Variants in ANKRD26 observed in about 807,000 individuals in gnomAD.
ANKRD26 encodes the protein ankyrin repeat domain 26, also known as ankyrin repeat domain-containing protein 26.
A neutral mutation model predicts 208.7 loss-of-function variants in ANKRD26; 141 were observed. That is an observed-to-expected ratio of 0.68 (90% CI 0.59 to 0.78). ANKRD26 has a LOEUF of 0.78. ANKRD26 is among the 30% of genes least tolerant of loss of function. The pLI, the probability that ANKRD26 is intolerant of heterozygous loss-of-function variation, is 0.00. For synonymous variants in ANKRD26, 636 were observed against 660.4 expected (o/e 0.96, Z 0.57); for missense variants, 1,889 against 1,938.7 (o/e 0.97, Z 0.48).
intron 1 of ANKRD26, among the ~76,000 whole-genome samples, chr10:27,099,228 A>C (rs1376012794): frequency 1.3e-5 from 2 of 151,442 alleles, no homozygotes; most frequent in African/African-American, 4.9e-5. Context: ...TGACCTCAGG[A>C]TATCCGCTTG....
intron 6 of ANKRD26, among the ~76,000 whole-genome samples, chr10:27,082,540 G>A (rs1388586261): frequency 3.3e-5 from 5 of 152,174 alleles, no homozygotes; most frequent in Non-Finnish European, 5.9e-5. Context: ...TATGCTGAGG[G>A]GCAAGAGAAG....
At chr10:27,027,465 C>T (rs570288232) in intron 27 of ANKRD26, among the ~76,000 whole-genome samples, 103 of 152,232 alleles carry the variant, frequency 6.8e-4, no homozygotes, top group African/African-American at 2.4e-3. Context: ...ACACCATATC[C>T]ATAGCAGCAT....
intron 30 of ANKRD26, among the ~76,000 whole-genome samples, chr10:27,016,302 T>A (rs1250391159): frequency 1.3e-5 from 2 of 152,080 alleles, no homozygotes; most frequent in Admixed American, 1.3e-4. Context: ...TTTGTTTGTT[T>A]TGTTTTGTAT....
At chr10:27,049,047 T>C (rs1432769897) in intron 16 of ANKRD26, 68 bp from the exon 17 acceptor site, 2 of 1,353,820 alleles carry the variant, frequency 1.5e-6, no homozygotes, top group East Asian at 2.5e-5. Flanking sequence ...TTGTTTTCAT[T>C]GAGTTTATCA....
intron 4 of ANKRD26, among the ~76,000 whole-genome samples, 158 bp from the exon 5 acceptor site, chr10:27,086,767 T>A (rs2056131530): frequency 8.4e-6 from 1 of 119,352 alleles, no homozygotes; most frequent in African/African-American, 3.3e-5. Flanking sequence ...CAAACTTTTT[T>A]GTTTTTTTTT....
chr10:27,055,613 T>C (rs2054811776), intron 15 of ANKRD26, among the ~76,000 whole-genome samples: 1 of 152,172 alleles, frequency 6.6e-6, no homozygotes, highest in Non-Finnish European at 1.5e-5. Context: ...AAAGAATTAT[T>C]AATAAAATTG....
At chr10:27,085,638 C>G (rs555887906) in intron 5 of ANKRD26, among the ~76,000 whole-genome samples, 1 of 152,158 alleles carries the variant, frequency 6.6e-6, no homozygotes, top group South Asian at 2.1e-4. Context: ...TTTATGGTAC[C>G]AGAAAGGTAC....
chr10:27,094,516 C>G (rs750450427), intron 1 of ANKRD26, among the ~76,000 whole-genome samples: 32 of 152,074 alleles, frequency 2.1e-4, no homozygotes, highest in Non-Finnish European at 2.9e-4. Flanking sequence ...AAATGGGGAT[C>G]AAAATAGTAG....
At position 27,048,809 on chromosome 10, in the gene ANKRD26, C is replaced by T. The variant is rs187923892; in HGVS notation, c.1806G>A (p.Glu602=). 219 of 1,612,942 alleles carry T rather than the reference C, an allele frequency of 1.4e-4. No homozygotes were observed. The African/African-American group carries it at 2.7e-3, about 20-fold the overall frequency. Residue 602 remains glutamate, a synonymous_variant, in exon 17 of 34, where the codon GAG becomes GAA. Transcript: ENST00000376087. The part of the protein sequence containing the change: ...HQQFPRKENK[E]YASSGPALQM... ...ATATGCTATCAGCTTACCTAGCATA[C>T]TCTTTATTTTCCTTCCTGGGAAATT...
chr10:26,991,133 T>A (rs1409861465), downstream of ANKRD26, among the ~76,000 whole-genome samples: 1 of 152,074 alleles, frequency 6.6e-6, no homozygotes, highest in East Asian at 1.9e-4. Flanking sequence ...CAGGGATCCC[T>A]GGAGGAAGGA....
intron 4 of ANKRD26, among the ~76,000 whole-genome samples, chr10:26,997,462 C>A (rs1007228409): frequency 6.6e-6 from 1 of 152,198 alleles, no homozygotes; most frequent in African/African-American, 2.4e-5. Flanking sequence ...TGAGTTGTAT[C>A]CTCCTGCTGT....
At chr10:26,958,541 C>T in the ANKRD26 span, among the ~76,000 whole-genome samples, 1 of 152,172 alleles carries the variant, frequency 6.6e-6, no homozygotes, top group Non-Finnish European at 1.5e-5. Context: ...CTAGCTCCAT[C>T]TTATAACTGA....
Position 27,029,357 on chromosome 10 carries a change from C to T in ANKRD26, c.3808-1G>A. 6.2e-7 allele frequency: 1 copy of T among 1,610,710 alleles called. No homozygotes were observed. The highest frequency in any genetic ancestry group is 8.5e-7 in the Non-Finnish European group (1 of 1,177,988). On this transcript the variant is annotated splice_acceptor_variant, in intron 25 of 33. Coordinates refer to ENST00000376087, the MANE Select transcript of ANKRD26 (RefSeq NM_014915.3). LOFTEE classifies it high-confidence loss of function. ...TATGTCGATCCTGTGCTTCTTGCAA[C>T]TAAAACAAAGAATAAAAAAAACCCA...
chr10:26,968,046 G>T, the ANKRD26 span, among the ~76,000 whole-genome samples: 3 of 152,210 alleles, frequency 2.0e-5, no homozygotes, highest in African/African-American at 7.2e-5. Flanking sequence ...TCTGGGTCAC[G>T]CTTTTCTCCT....
At chr10:26,991,264 G>A (rs531498565), downstream of ANKRD26, among the ~76,000 whole-genome samples, 10 of 152,230 alleles carry the variant, frequency 6.6e-5, no homozygotes, top group East Asian at 1.3e-3. Context: ...GAATCCCTTC[G>A]TGGTTGCTAG....
rs765170468 is a variant in ANKRD26, at chr10:27,082,804, T to A, written c.739A>T (p.Arg247Trp). The A allele has an allele frequency of 4.4e-6, 7 of 1,586,388 alleles. No homozygotes were observed. The highest frequency in any genetic ancestry group is 6.0e-6 in the Non-Finnish European group (7 of 1,165,468). ...TTTTAAAAATCTGTAAAATACTACC[T>A]GCTTAAGGAGTCTTCAGAGCTTTCA... is the stretch of plus-strand genomic sequence containing the variant. Reference protein sequence around the residue: ...VDESSEDSLSRLSGKPGVDDS... With the variant: ...VDESSEDSLSWLSGKPGVDDS... Residue 247 changes from arginine (R) to tryptophan (W), a missense_variant and splice_region_variant, in exon 6 of 34, where the codon AGG becomes TGG. By Grantham distance (101) the Arg-to-Trp change is moderately radical. Transcript: ENST00000376087.
chr10:27,080,995 C>G (rs753761842), intron 6 of ANKRD26: 1 of 981,046 alleles, frequency 1.0e-6, no homozygotes, highest in Non-Finnish European at 1.2e-6. Context: ...TCAGCAGCCT[C>G]CAGCTCCAAA....
At chr10:27,095,513 CA>C (rs2056439882) in intron 1 of ANKRD26, among the ~76,000 whole-genome samples, 1 of 152,088 alleles carries the variant, frequency 6.6e-6, no homozygotes, top group African/African-American at 2.4e-5. Flanking sequence ...GCTAAAAATA[CA>C]AAAAGTAGCC....
the ANKRD26 span, among the ~76,000 whole-genome samples, chr10:26,949,006 A>AT: frequency 6.6e-6 from 1 of 152,092 alleles, no homozygotes; most frequent in Non-Finnish European, 1.5e-5. Context: ...AAAAAAATGC[A>AT]TTATTAAATA....
Sources: gnomAD v4.1 joint callset for allele counts (sites outside exome capture counted in the v4.1 genomes callset) on GRCh38, gnomAD v4.1.1 for gene constraint, MANE v1.5 for transcripts, NCBI Gene and HGNC (gene_info 2026-07-23, HGNC 2026-07-21) for gene names.